The following TCF4 variants were observed in gnomAD, a reference collection of about 807,000 sequenced individuals.
TCF4 encodes transcription factor 4.
In TCF4, 3 loss-of-function variants were observed where a neutral mutation model predicts 82.1. The ratio of observed to expected loss-of-function variants is 0.04; its 90% CI spans 0.02 to 0.09. The LOEUF is 0.09. Ranked by LOEUF, TCF4 falls within the 10% of genes least tolerant of loss-of-function variation. TCF4 has a pLI of 1.00. For missense variants in TCF4, 518 were observed against 852.7 expected, an observed-to-expected ratio of 0.61 and a Z score of 4.89; for synonymous variants, 276 against 309.6, an observed-to-expected ratio of 0.89 and a Z score of 1.14.
chr18:55,588,150 T>A lies in TCF4; in HGVS notation c.-133A>T. ...CTCCTGCGCCCGCTCCCGCGCCTGC[T>A]GCCTCCCCGCCGCCGCCGCCGCCGC... On this transcript the variant is annotated 5_prime_UTR_variant, in exon 1 of 20. Transcript: ENST00000354452. 1 of 1,086,406 alleles carries A rather than the reference T, an allele frequency of 9.2e-7. No individual in the cohort carries two copies. The highest frequency in any genetic ancestry group is 1.1e-6 in the Non-Finnish European group (1 of 901,564). The allele number at this position is 1,086,406 out of a possible 1,614,324, so 67.3% of individuals were successfully genotyped here.
chr18:55,234,493 A>G, intron 16 of TCF4, 55 bp downstream of exon 16: 2 of 1,613,288 alleles, frequency 1.2e-6, no homozygotes, highest in Non-Finnish European at 1.7e-6. Context: ...CTGGGTATCA[A>G]CACTGGTCCT....
rs772207359 is a variant in TCF4, at chr18:55,350,842, C to T, written c.499+32G>A. 1.6e-5 allele frequency: 26 copies of T among 1,612,478 alleles called. No homozygotes were observed. The South Asian group carries it at 2.5e-4, about 16-fold the overall frequency. ...GAAAAAAAGAAAAAGGCATAATCAT[C>T]CCTCAGGCATTCAAACAAAGGAATA... On this transcript the variant is annotated intron_variant, in intron 7 of 19. Coordinates refer to ENST00000354452, the MANE Select transcript of TCF4 (RefSeq NM_001083962.2).
At chr18:55,588,275 GA>G, upstream of TCF4, 1 of 1,432,474 alleles carries the variant, frequency 7.0e-7, no homozygotes, top group Non-Finnish European at 9.1e-7. Context: ...GGGGGAGGGG[GA>G]AACACGCCGA....
chr18:55,524,566 A>T (rs1051450365), intron 3 of TCF4, among the ~76,000 whole-genome samples: 1 of 151,898 alleles, frequency 6.6e-6, no homozygotes, highest in Non-Finnish European at 1.5e-5. Flanking sequence ...TGATTAAGTT[A>T]TTGATTAAGT....
At chr18:55,622,072 AAT>A (rs1189961402) in intron 2 of TCF4, among the ~76,000 whole-genome samples, 72 of 138,010 alleles carry the variant, frequency 5.2e-4, no homozygotes, top group Middle Eastern at 3.6e-3. Context: ...CTGTATATAT[AAT>A]ATATATATAC....
chr18:55,269,576 T>TCCTCA (rs2059910114), intron 11 of TCF4: 2 of 498,964 alleles, frequency 4.0e-6, no homozygotes, highest in African/African-American at 3.9e-5. Context: ...ATAGTTTTGG[T>TCCTCA]CTGTTTGAAC....
rs772067293 is a variant in TCF4, at chr18:55,279,668, G to T, written c.550-12C>A. 1 of 1,613,786 alleles carries T rather than the reference G, an allele frequency of 6.2e-7. No individual in the cohort carries two copies. The highest frequency in any genetic ancestry group is 8.5e-7 in the Non-Finnish European group (1 of 1,179,784). On this transcript the variant is annotated splice_polypyrimidine_tract_variant and intron_variant, in intron 8 of 19. Coordinates refer to ENST00000354452, the MANE Select transcript of TCF4 (RefSeq NM_001083962.2). ...GATGGAGCATAGACCTGAGGAGAAA[G>T]AACCAACTGAGTTTTGCTTTTTGCA...
chr18:55,351,145 C>G, intron 6 of TCF4, 142 bp from the exon 7 acceptor site: 1 of 1,064,148 alleles, frequency 9.4e-7, no homozygotes, highest in Non-Finnish European at 1.4e-6. Context: ...AAACAAAAAC[C>G]CAAAAGAAAG....
At chr18:55,395,422 G>C (rs772439091) in intron 6 of TCF4, among the ~76,000 whole-genome samples, 3 of 152,140 alleles carry the variant, frequency 2.0e-5, no homozygotes, top group Non-Finnish European at 4.4e-5. Context: ...CCATGATTCT[G>C]GTGAAATTTC....
At chr18:55,512,838 A>G (rs559360477) in intron 3 of TCF4, among the ~76,000 whole-genome samples, 1 of 152,336 alleles carries the variant, frequency 6.6e-6, no homozygotes, top group East Asian at 1.9e-4. Context: ...CAGTAGCATC[A>G]TAAGATCAAC....
intron 3 of TCF4, among the ~76,000 whole-genome samples, chr18:55,570,209 G>T (rs1287829322): frequency 6.6e-6 from 1 of 152,140 alleles, no homozygotes; most frequent in East Asian, 1.9e-4. Context: ...AATCCCAACT[G>T]CATGGAAAAC....
Position 55,599,136 on chromosome 18 carries a change from A to G in TCF4, c.287-12000T>C, listed in dbSNP as rs569886065. ...GAGCTGAGTGAAGATTATCCTACAT[A>G]ATACCCAAGGCTTCTCAACTGGTGG... On this transcript the variant is annotated intron_variant, in intron 2 of 20. Coordinates refer to the TCF4 transcript ENST00000398339. Among the ~76,000 whole-genome samples the G allele has an allele frequency of 4.8e-4, 73 of 152,318 alleles. 1 individual carries two copies. The highest frequency in any genetic ancestry group is 1.7e-3 in the African/African-American group (69 of 41,574).
At chr18:55,263,102 C>G (rs1427889940) in intron 11 of TCF4, among the ~76,000 whole-genome samples, 2 of 152,158 alleles carry the variant, frequency 1.3e-5, no homozygotes, top group Non-Finnish European at 2.9e-5. Context: ...CGGTGCCCAG[C>G]CGATAATGTT....
At chr18:55,497,313 T>C (rs2096648198) in intron 3 of TCF4, among the ~76,000 whole-genome samples, 1 of 152,208 alleles carries the variant, frequency 6.6e-6, no homozygotes, top group Non-Finnish European at 1.5e-5. Context: ...GAAATGAGCT[T>C]GAATAAGATA....
intron 8 of TCF4, among the ~76,000 whole-genome samples, chr18:55,326,849 TA>T (rs1489701293): frequency 6.6e-6 from 1 of 152,186 alleles, no homozygotes; most frequent in African/African-American, 2.4e-5. Flanking sequence ...TGGAATGTTA[TA>T]AAAAATTGTA....
At chr18:55,376,166 C>T (rs1176845648) in intron 6 of TCF4, among the ~76,000 whole-genome samples, 1 of 151,798 alleles carries the variant, frequency 6.6e-6, no homozygotes, top group Non-Finnish European at 1.5e-5. Context: ...AGACCACAGG[C>T]ATGCATCACC....
At chr18:55,427,091 C>G (rs2095022567) in intron 5 of TCF4, among the ~76,000 whole-genome samples, 1 of 152,146 alleles carries the variant, frequency 6.6e-6, no homozygotes, top group African/African-American at 2.4e-5. Flanking sequence ...GGGAAAAAAA[C>G]TTTAAAAACC....
intron 8 of TCF4, among the ~76,000 whole-genome samples, chr18:55,281,495 G>T (rs976659370): frequency 2.0e-5 from 3 of 151,738 alleles, no homozygotes; most frequent in Non-Finnish European, 2.9e-5. Context: ...AGTGTACTAT[G>T]GAATATACCC....
intron 8 of TCF4, among the ~76,000 whole-genome samples, chr18:55,294,821 T>G: frequency 6.6e-6 from 1 of 152,352 alleles, no homozygotes; most frequent in Admixed American, 6.5e-5. Flanking sequence ...GGTCTCACTA[T>G]GTTGCCCAGG....
Sources: allele counts gnomAD v4.1 joint callset (sites outside exome capture counted in the v4.1 genomes callset), GRCh38; gene constraint gnomAD v4.1.1; transcripts MANE v1.5; gene names NCBI Gene and HGNC (gene_info 2026-07-23, HGNC 2026-07-21).